The following KCTD8 variants were observed in gnomAD, a reference collection of about 807,000 sequenced individuals.
KCTD8 encodes potassium channel tetramerization domain containing 8.
KCTD8 carries 27 observed loss-of-function variants against 31.5 expected under a neutral mutation model. That is an observed-to-expected ratio of 0.86 (90% CI 0.63 to 1.18). The LOEUF (loss-of-function observed/expected upper bound fraction) is 1.18. KCTD8 is among the 50% of genes most tolerant of loss of function. The pLI, the probability that KCTD8 is intolerant of heterozygous loss-of-function variation, is 0.00. For missense variants in KCTD8, 658 were observed against 647.7 expected (o/e 1.02, Z -0.17); for synonymous variants, 290 against 280.0 (o/e 1.04, Z -0.36).
At chr4:44,187,508 C>A (rs1374648105) in intron 1 of KCTD8, among the ~76,000 whole-genome samples, 5 of 152,222 alleles carry the variant, frequency 3.3e-5, no homozygotes, top group Admixed American at 6.5e-5. Flanking sequence ...AAGGTTCCCA[C>A]GTCTGAATCT....
intron 1 of KCTD8, 69 bp downstream of exon 1, chr4:44,447,494 G>A: frequency 1.4e-6 from 2 of 1,445,972 alleles, no homozygotes; most frequent in Non-Finnish European, 1.8e-6. Context: ...GGCCTCCAGC[G>A]GGGCTCAAAC....
At chr4:44,413,877 A>ACAGGAAAAT (rs1485231487) in intron 1 of KCTD8, among the ~76,000 whole-genome samples, 1 of 152,170 alleles carries the variant, frequency 6.6e-6, no homozygotes, top group Non-Finnish European at 1.5e-5. Context: ...AAAGAGAGGG[A>ACAGGAAAAT]CAGGAAAATC....
chr4:44,228,077 C>T (rs979061540), intron 1 of KCTD8, among the ~76,000 whole-genome samples: 2 of 152,176 alleles, frequency 1.3e-5, no homozygotes, highest in Admixed American at 1.3e-4. Flanking sequence ...TTGGCCTCAT[C>T]TATCTTTCCA....
At chr4:44,187,510 T>G (rs1422929753) in intron 1 of KCTD8, among the ~76,000 whole-genome samples, 2 of 152,370 alleles carry the variant, frequency 1.3e-5, no homozygotes, top group Middle Eastern at 3.4e-3. Flanking sequence ...GGTTCCCACG[T>G]CTGAATCTAC....
intron 1 of KCTD8, among the ~76,000 whole-genome samples, chr4:44,197,290 G>A (rs943342351): frequency 1.6e-4 from 25 of 152,068 alleles, no homozygotes; most frequent in African/African-American, 5.1e-4. Context: ...TCCAGGAAGT[G>A]TACAGCCTTC....
intron 1 of KCTD8, among the ~76,000 whole-genome samples, chr4:44,238,521 T>C (rs1212160612): frequency 6.6e-6 from 1 of 152,116 alleles, no homozygotes. Context: ...AATAAAAGAA[T>C]CAGTTAAAAT....
chr4:44,271,448 C>T (rs1423472859), intron 1 of KCTD8, among the ~76,000 whole-genome samples: 2 of 152,118 alleles, frequency 1.3e-5, no homozygotes, highest in Non-Finnish European at 2.9e-5. Context: ...ATCTCAATGT[C>T]ACAGTTTACT....
At chr4:44,320,758 C>T (rs947386607) in intron 1 of KCTD8, among the ~76,000 whole-genome samples, 11 of 147,060 alleles carry the variant, frequency 7.5e-5, no homozygotes, top group African/African-American at 1.3e-4. Context: ...AATCCCTGTG[C>T]GATAGTGACT....
intron 1 of KCTD8, among the ~76,000 whole-genome samples, chr4:44,211,923 T>C (rs1714494950): frequency 1.3e-5 from 2 of 152,266 alleles, no homozygotes; most frequent in East Asian, 3.9e-4. Flanking sequence ...TTTACCTTTC[T>C]GGAAAATTCA....
At chr4:44,312,491 T>C (rs1055521349) in intron 1 of KCTD8, among the ~76,000 whole-genome samples, 3 of 151,760 alleles carry the variant, frequency 2.0e-5, no homozygotes, top group Admixed American at 2.0e-4. Flanking sequence ...TAAATAAAAT[T>C]ATTCAAGCAC....
chr4:44,364,976 T>C (rs774022085), intron 1 of KCTD8, among the ~76,000 whole-genome samples: 3 of 152,036 alleles, frequency 2.0e-5, no homozygotes, highest in Non-Finnish European at 2.9e-5. Flanking sequence ...CTATTCTGTA[T>C]GAAACTGTAA....
At chr4:44,331,969 G>A (rs977327441) in intron 1 of KCTD8, among the ~76,000 whole-genome samples, 9 of 151,400 alleles carry the variant, frequency 5.9e-5, no homozygotes, top group African/African-American at 1.7e-4. Context: ...TCAAAAACCC[G>A]AAATAAGGCA....
At chr4:44,267,831 A>T (rs1441281016) in intron 1 of KCTD8, among the ~76,000 whole-genome samples, 1 of 152,228 alleles carries the variant, frequency 6.6e-6, no homozygotes, top group African/African-American at 2.4e-5. Flanking sequence ...CATTCTCCCA[A>T]GACTAAACCA....
chr4:44,322,505 C>T (rs372087723), intron 1 of KCTD8, among the ~76,000 whole-genome samples: 17 of 152,062 alleles, frequency 1.1e-4, no homozygotes, highest in African/African-American at 3.6e-4. Flanking sequence ...AATCCTTTGT[C>T]AGATGGATAT....
intron 1 of KCTD8, among the ~76,000 whole-genome samples, chr4:44,289,283 C>T (rs1453686241): frequency 1.3e-5 from 2 of 151,002 alleles, no homozygotes; most frequent in Non-Finnish European, 3.0e-5. Context: ...ATCATATTAC[C>T]AATAAAATCT....
intron 1 of KCTD8, among the ~76,000 whole-genome samples, chr4:44,272,766 G>A (rs949083748): frequency 2.5e-4 from 38 of 152,012 alleles, no homozygotes; most frequent in African/African-American, 9.2e-4. Flanking sequence ...GAGTGAGACA[G>A]GGAGGGTCTC....
intron 1 of KCTD8, among the ~76,000 whole-genome samples, chr4:44,352,643 C>T (rs1416109547): frequency 6.7e-6 from 1 of 150,256 alleles, no homozygotes; most frequent in Admixed American, 6.6e-5. Flanking sequence ...ATATAAAACA[C>T]ATTGAAATAT....
intron 1 of KCTD8, among the ~76,000 whole-genome samples, chr4:44,194,292 T>C (rs1277608635): frequency 6.6e-6 from 1 of 152,188 alleles, no homozygotes; most frequent in Non-Finnish European, 1.5e-5. Context: ...AAACCTGATA[T>C]TTCAATAACC....
intron 1 of KCTD8, among the ~76,000 whole-genome samples, chr4:44,335,905 C>A (rs1445139722): frequency 6.6e-6 from 1 of 151,836 alleles, no homozygotes; most frequent in East Asian, 1.9e-4. Context: ...AATCCCAGCA[C>A]TTTGGGAGGC....
Sources: gnomAD v4.1 joint callset for allele counts (sites outside exome capture counted in the v4.1 genomes callset) on GRCh38, gnomAD v4.1.1 for gene constraint, MANE v1.5 for transcripts, NCBI Gene and HGNC (gene_info 2026-07-23, HGNC 2026-07-21) for gene names.